Variants in NECTIN4 observed in about 807,000 individuals in gnomAD.
NECTIN4 encodes nectin-4.
NECTIN4 carries 19 observed loss-of-function variants against 51.7 expected under a neutral mutation model. The observed-to-expected ratio is 0.37, with a 90% CI of 0.26 to 0.54. The LOEUF (loss-of-function observed/expected upper bound fraction) is 0.54. NECTIN4 is among the 20% of genes least tolerant of loss of function. The probability of loss-of-function intolerance (pLI) is 0.86; values close to 1 mark genes in which losing one functional copy is unlikely to be tolerated. For synonymous variants in NECTIN4, 283 were observed against 286.9 expected, an observed-to-expected ratio of 0.99 and a Z score of 0.14; for missense variants, 619 against 662.4, an observed-to-expected ratio of 0.93 and a Z score of 0.72.
chr1:161,079,727 G>A lies in NECTIN4; in HGVS notation c.302C>T (p.Pro101Leu), dbSNP rs762276441. The part of the protein sequence containing the change: ...SPAYEGRVEQ[P>L]PPPRNPLDGS... Reference sequence around the variant, plus strand: ...GTCCAGGGGGTTGCGTGGGGGCGGCGGCTGCTCCACGCGGCCCTCGTAAGC... The same window carrying A: ...GTCCAGGGGGTTGCGTGGGGGCGGCAGCTGCTCCACGCGGCCCTCGTAAGC... Residue 101 changes from proline (P) to leucine (L), a missense_variant, in exon 2 of 9, where the codon CCG becomes CTG. Transcript: ENST00000368012. 5.0e-6 allele frequency: 8 copies of A among 1,609,500 alleles called. No homozygotes were observed.
chr1:161,076,074 C>G (rs1043234307), intron 4 of NECTIN4, among the ~76,000 whole-genome samples: 4 of 152,100 alleles, frequency 2.6e-5, no homozygotes, highest in African/African-American at 9.7e-5. Context: ...GACTCCGTCT[C>G]AAAACTAAAA....
chr1:161,079,304 A>G (rs1461069308), intron 2 of NECTIN4, among the ~76,000 whole-genome samples: 1 of 152,258 alleles, frequency 6.6e-6, no homozygotes, highest in Non-Finnish European at 1.5e-5. Flanking sequence ...AGAAAAGAGA[A>G]TAAGCCAGTG....
chr1:161,079,551 C>T, intron 2 of NECTIN4, 39 bp downstream of exon 2: 1 of 1,599,432 alleles, frequency 6.3e-7, no homozygotes, highest in East Asian at 2.2e-5. Context: ...CCCCCTGCAT[C>T]CACAGCGGCT....
chr1:161,075,527 T>C (rs1447409221), intron 4 of NECTIN4, among the ~76,000 whole-genome samples: 4 of 152,178 alleles, frequency 2.6e-5, no homozygotes, highest in Non-Finnish European at 4.4e-5. Flanking sequence ...TTCCAGCACT[T>C]TGGGAGGCCG....
At chr1:161,075,680 G>A (rs1448686212) in intron 4 of NECTIN4, among the ~76,000 whole-genome samples, 1 of 152,190 alleles carries the variant, frequency 6.6e-6, no homozygotes, top group Non-Finnish European at 1.5e-5. Context: ...GCTGAGGCAG[G>A]AGAATCTCTT....
intron 2 of NECTIN4, among the ~76,000 whole-genome samples, chr1:161,078,990 C>T (rs545779523): frequency 6.6e-6 from 1 of 152,114 alleles, no homozygotes; most frequent in South Asian, 2.1e-4. Flanking sequence ...CCAGCCTGGG[C>T]GACAGAGCGA....
chr1:161,074,652 T>A lies in NECTIN4; in HGVS notation c.959A>T (p.Glu320Val). 6.2e-7 allele frequency: 1 copy of A among 1,614,240 alleles called. No homozygotes were observed. Among genetic ancestry groups the A allele is most frequent in the Non-Finnish European group, 8.5e-7 (1 of 1,180,054 alleles). Residue 320 changes from glutamate to valine, a missense_variant, in exon 5 of 9, where the codon GAG (glutamate) becomes GTG (valine). By Grantham distance (121) the Glu-to-Val change is moderately radical. Coordinates refer to ENST00000368012, the MANE Select transcript of NECTIN4 (RefSeq NM_030916.3). ...GACCTGAGAATCCCTTGAGGAGAAC[T>A]CATTGCTGACATGGCAGACGTAGAT... Reference protein sequence around the residue: ...SGIYVCHVSNEFSSRDSQVTV... With the variant: ...SGIYVCHVSNVFSSRDSQVTV...
intron 6 of NECTIN4, 94 bp from the exon 7 acceptor site, chr1:161,073,889 G>T: frequency 8.6e-7 from 1 of 1,166,624 alleles, no homozygotes. Context: ...AGGCCCGGAG[G>T]GTGTGGGTGC....
At position 161,074,313 on chromosome 1, in the gene NECTIN4, C is replaced by CCCA. The variant is rs755873252; in HGVS notation, c.1058_1060dup (p.Val353dup). The CCCA allele has an allele frequency of 3.7e-6, 6 of 1,613,754 alleles. No individual in the cohort carries two copies. In the African/African-American group the frequency reaches 6.7e-5, roughly 18 times the overall value. ...GCAGAACAAGAGTGCGGCGATCACA[C>CCCA]CCACCACCACCACCGAGGCTGACAC... is the stretch of plus-strand genomic sequence containing the variant. On this transcript the variant is annotated inframe_insertion, in exon 6 of 9. Coordinates refer to ENST00000368012, the MANE Select transcript of NECTIN4 (RefSeq NM_030916.3).
chr1:161,086,899 ACAGC>A (rs1653974984), intron 1 of NECTIN4: 1 of 153,052 alleles, frequency 6.5e-6, no homozygotes. Context: ...TCCTATCTCC[ACAGC>A]CAGACCCAGT....
chr1:161,077,331 CA>C, intron 3 of NECTIN4, 121 bp downstream of exon 3: 1 of 924,274 alleles, frequency 1.1e-6, no homozygotes, highest in Non-Finnish European at 1.7e-6. Flanking sequence ...TGCTCTGTCA[CA>C]TACTATATAT....
At chr1:161,087,044 C>T (rs1018970847) in intron 1 of NECTIN4, 6 of 152,258 alleles carry the variant, frequency 3.9e-5, no homozygotes, top group Admixed American at 2.0e-4. Flanking sequence ...CTGGTTTCAT[C>T]GCTGCCCAAG....
Position 161,073,256 on chromosome 1 carries a change from C to T in NECTIN4, c.1277G>A (p.Ser426Asn), listed in dbSNP as rs748484737. 48 of 1,613,992 alleles carry T rather than the reference C, an allele frequency of 3.0e-5. No homozygotes were observed. Among genetic ancestry groups the T allele is most frequent in the Non-Finnish European group, 3.8e-5 (45 of 1,180,008 alleles). ...VGLRAEGHPD[S>N]LKDNSSCSVM... ...AGAGCAGCTACTGTTGTCCTTGAGA[C>T]TATCAGGGTGGCCCTCGGCTCTCAG... Residue 426 changes from serine to asparagine, a missense_variant, in exon 8 of 9, where the codon AGT (serine) becomes AAT (asparagine). Transcript: ENST00000368012.
In NECTIN4 at chr1:161,074,646, G is replaced by A; in HGVS notation, c.965C>T (p.Ser322Phe). The change falls in exon 5 of 9, where the codon TCC becomes TTC. Residue 322 changes from serine (S) to phenylalanine (F), a missense_variant. Physicochemically the swap from Ser to Phe is radical, Grantham distance 155. This residue lies in a region of NECTIN4 where 364 missense variants were observed against 415.7 expected (regional missense o/e 0.88). Transcript: ENST00000368012. ...CACAGTGACCTGAGAATCCCTTGAG[G>A]AGAACTCATTGCTGACATGGCAGAC... ...IYVCHVSNEFSSRDSQVTVDV... is the reference protein window; with the variant it reads ...IYVCHVSNEFFSRDSQVTVDV... The A allele has an allele frequency of 1.2e-6, 2 of 1,614,252 alleles. No homozygotes were observed. The highest frequency in any genetic ancestry group is 1.7e-6 in the Non-Finnish European group (2 of 1,180,052).
In NECTIN4 at chr1:161,071,008, C is replaced by G. The variant is rs1245385705; in HGVS notation, c.*1653G>C. Reference sequence around the variant, plus strand: ...AGGAGCCAGACAGAACAAGTTTTGTCTGTTTATTTAAAAACAGAATATCAT... The same window carrying G: ...AGGAGCCAGACAGAACAAGTTTTGTGTGTTTATTTAAAAACAGAATATCAT... On this transcript the variant is annotated 3_prime_UTR_variant, in exon 9 of 9. Coordinates refer to ENST00000368012, the MANE Select transcript of NECTIN4 (RefSeq NM_030916.3). 6.6e-6 allele frequency: 1 copy of G among 152,178 alleles called. No individual in the cohort carries two copies. Among genetic ancestry groups the G allele is most frequent in the African/African-American group, 2.4e-5 (1 of 41,436 alleles). The allele number at this position is 152,178 out of a possible 1,614,324, so 9.4% of individuals were successfully genotyped here.
chr1:161,080,813 C>T (rs1653649003), intron 1 of NECTIN4, among the ~76,000 whole-genome samples: 1 of 152,158 alleles, frequency 6.6e-6, no homozygotes, highest in Non-Finnish European at 1.5e-5. Flanking sequence ...ATCATGTCAC[C>T]TTATCTGCAA....
chr1:161,080,699 A>C (rs1227086758), intron 1 of NECTIN4, among the ~76,000 whole-genome samples: 1 of 152,180 alleles, frequency 6.6e-6, no homozygotes, highest in African/African-American at 2.4e-5. Flanking sequence ...ACCGGGTCAG[A>C]ATTGTAAGCT....
rs117194117 is a variant in NECTIN4, at chr1:161,082,264, G to T, written c.80-2315C>A. The stretch of plus-strand genomic sequence containing the variant: ...GAACTGGTGAACCCAGGAGGTGGAG[G>T]TTGCAGTGAGCTAAGATCATGCCAC... On this transcript the variant is annotated intron_variant, in intron 1 of 8. Coordinates refer to ENST00000368012, the MANE Select transcript of NECTIN4 (RefSeq NM_030916.3). Among the ~76,000 whole-genome samples the T allele has an allele frequency of 7.5e-4, 114 of 152,244 alleles. No individual in the cohort carries two copies. In the East Asian group the frequency reaches 0.02, roughly 27 times the overall value.
chr1:161,078,496 T>G (rs887637354), intron 2 of NECTIN4, among the ~76,000 whole-genome samples: 3 of 151,672 alleles, frequency 2.0e-5, no homozygotes, highest in African/African-American at 7.3e-5. Context: ...TTAGTAGAGA[T>G]GGGGTTTCAC....
Sources: allele counts gnomAD v4.1 joint callset (sites outside exome capture counted in the v4.1 genomes callset), GRCh38; gene constraint gnomAD v4.1.1; regional missense constraint gnomAD v4.1.1; transcripts MANE v1.5; gene names NCBI Gene and HGNC (gene_info 2026-07-23, HGNC 2026-07-21).